PAH: variants seen among roughly 807,000 people sequenced by gnomAD.
PAH encodes phenylalanine-4-hydroxylase.
In PAH, 64 loss-of-function variants were observed where a neutral mutation model predicts 62.0. That is an observed-to-expected ratio of 1.03 (90% CI 0.84 to 1.27). PAH has a LOEUF of 1.27. PAH is among the 50% of genes most tolerant of loss of function. PAH has a pLI of 0.00. For synonymous variants in PAH, 195 were observed against 196.2 expected (o/e 0.99, Z 0.05); for missense variants, 579 against 542.8 (o/e 1.07, Z -0.66).
chr12:102,867,236 G>T (rs541761164), intron 4 of PAH, among the ~76,000 whole-genome samples: 1 of 152,314 alleles, frequency 6.6e-6, no homozygotes, highest in South Asian at 2.1e-4. Flanking sequence ...TGGTGGTTCA[G>T]AGAAGTGGAT....
intron 4 of PAH, among the ~76,000 whole-genome samples, chr12:102,867,883 G>C (rs983902795): frequency 7.2e-6 from 1 of 138,864 alleles, no homozygotes; most frequent in Non-Finnish European, 1.5e-5. Flanking sequence ...ATATATACAT[G>C]TATATACATA....
Position 102,852,705 on chromosome 12 carries a change from G to A in PAH, c.842+110C>T, listed in dbSNP as rs186797730. On this transcript the variant is annotated intron_variant, in intron 7 of 12. Transcript: ENST00000553106. ...TTTAGTACTACCAGCAAACAGTCTA[G>A]ACAACTAGTCCTGTGGACCAGCCAG... The A allele has an allele frequency of 3.2e-4, 426 of 1,352,230 alleles. 1 individual carries two copies. The highest frequency in any genetic ancestry group is 2.7e-4 in the South Asian group (23 of 85,006). The allele number at this position is 1,352,230 out of a possible 1,614,324, so 83.8% of individuals were successfully genotyped here.
intron 5 of PAH, among the ~76,000 whole-genome samples, chr12:102,864,715 T>C (rs1276376445): frequency 6.6e-6 from 1 of 150,722 alleles, no homozygotes; most frequent in East Asian, 1.9e-4. Flanking sequence ...TGTGCTAGTC[T>C]GGGAATGACT....
intron 1 of PAH, among the ~76,000 whole-genome samples, chr12:102,948,020 C>T (rs978937742): frequency 2.6e-5 from 4 of 152,188 alleles, no homozygotes; most frequent in East Asian, 3.9e-4. Flanking sequence ...CTCAGCCCCC[C>T]TCATCCAGAA....
At chr12:102,850,009 A>T (rs2136643203) in intron 8 of PAH, among the ~76,000 whole-genome samples, 1 of 152,322 alleles carries the variant, frequency 6.6e-6, no homozygotes, top group Middle Eastern at 3.4e-3. Context: ...CCAAAGTGGA[A>T]ATGGCTTAAG....
In PAH at chr12:102,838,434, C is replaced by G. The variant is rs1297005564; in HGVS notation, c.*741G>C. On this transcript the variant is annotated 3_prime_UTR_variant, in exon 13 of 13. Transcript: ENST00000553106. ...TATTCAGTGAACATTTCCTGAATAT[C>G]TACCAACCAAGCCTTTAGTCAACAT... 1 of 152,174 alleles carries G rather than the reference C, an allele frequency of 6.6e-6. No individual in the cohort carries two copies. The highest frequency in any genetic ancestry group is 1.9e-4 in the East Asian group (1 of 5,198). 9.4% of individuals were successfully genotyped at this position (152,174 alleles called of 1,614,324 possible).
At chr12:102,898,032 C>A (rs1877584492) in intron 2 of PAH, among the ~76,000 whole-genome samples, 1 of 152,182 alleles carries the variant, frequency 6.6e-6, no homozygotes, top group Admixed American at 6.5e-5. Flanking sequence ...CAACACTTGG[C>A]AAAGTCTACT....
chr12:102,872,975 C>A (rs1055200825), intron 4 of PAH, among the ~76,000 whole-genome samples: 8 of 152,068 alleles, frequency 5.3e-5, no homozygotes, highest in South Asian at 2.1e-4. Context: ...TTAAAAAAAA[C>A]CATGTAGTTT....
intron 2 of PAH, among the ~76,000 whole-genome samples, chr12:102,902,675 G>A (rs752495589): frequency 3.3e-5 from 5 of 152,174 alleles, no homozygotes; most frequent in Non-Finnish European, 7.3e-5. Flanking sequence ...AAGAAAGTAT[G>A]AGCAGCACAA....
intron 2 of PAH, among the ~76,000 whole-genome samples, chr12:102,910,068 T>C (rs1878142431): frequency 6.6e-6 from 1 of 152,234 alleles, no homozygotes; most frequent in Non-Finnish European, 1.5e-5. Flanking sequence ...AATTTCATTC[T>C]TAATTGAACA....
At position 102,958,352 on chromosome 12, in the gene PAH, AGCC is replaced by A. The variant is rs1376433604; in HGVS notation, c.-256_-254del. 1.2e-5 allele frequency: 17 copies of A among 1,430,700 alleles called. No individual in the cohort carries two copies. In the East Asian group the frequency reaches 4.2e-4, roughly 35 times the overall value. 88.6% of individuals were successfully genotyped at this position (1,430,700 alleles called of 1,614,324 possible). Reference sequence around the variant, plus strand: ...CAGCCTGTTTCTTTGCCACGGCCGCAGCCGCGGCGGCCGCAGCCGCCGCAGCGG... The same window carrying A: ...CAGCCTGTTTCTTTGCCACGGCCGCAGCGGCGGCCGCAGCCGCCGCAGCGG... On this transcript the variant is annotated 5_prime_UTR_variant, in exon 1 of 5. Transcript: ENST00000551337.
chr12:102,906,356 G>T (rs934228491), intron 2 of PAH, among the ~76,000 whole-genome samples: 5 of 151,930 alleles, frequency 3.3e-5, no homozygotes, highest in African/African-American at 1.2e-4. Context: ...CCACTTCTAG[G>T]TATCTACCCT....
At position 102,872,510 on chromosome 12, in the gene PAH, G is replaced by C. The variant is rs181168466; in HGVS notation, c.441+4952C>G. Reference sequence around the variant, plus strand: ...GACTCAACTAGCTGACTGACTCTTAGAAGGAACTCTGACAGGGCCTCAGGT... The same window carrying C: ...GACTCAACTAGCTGACTGACTCTTACAAGGAACTCTGACAGGGCCTCAGGT... On this transcript the variant is annotated intron_variant, in intron 4 of 12. Coordinates refer to ENST00000553106, the MANE Select transcript of PAH (RefSeq NM_000277.3). Among the ~76,000 whole-genome samples, 427 of 152,316 alleles carry C rather than the reference G, an allele frequency of 2.8e-3. 4 individuals are homozygous for C. The South Asian group carries it at 0.045, about 16-fold the overall frequency.
chr12:102,906,425 T>G (rs1405017917), intron 2 of PAH, among the ~76,000 whole-genome samples: 1 of 152,162 alleles, frequency 6.6e-6, no homozygotes, highest in Non-Finnish European at 1.5e-5. Flanking sequence ...CAGAATTGTC[T>G]GTGACTATAG....
intron 1 of PAH, among the ~76,000 whole-genome samples, chr12:102,936,411 G>T (rs1592999830): frequency 6.6e-6 from 1 of 152,234 alleles, no homozygotes. Context: ...GGTCTATAGT[G>T]CAGATTACAT....
upstream of PAH, chr12:102,958,415 G>GCAGCAGCAGCAGCAGCAT: frequency 6.5e-7 from 1 of 1,539,954 alleles, no homozygotes; most frequent in Non-Finnish European, 8.8e-7. Context: ...AGCAGCAGCA[G>GCAGCAGCAGCAGCAGCAT]CAGCAGCAGC....
At chr12:102,899,837 C>G (rs541417287) in intron 2 of PAH, among the ~76,000 whole-genome samples, 1 of 83,052 alleles carries the variant, frequency 1.2e-5, no homozygotes, top group Non-Finnish European at 2.1e-5. Flanking sequence ...CCAGCCTGGG[C>G]GACAGAGCGA....
At chr12:102,919,377 T>C (rs995908693), upstream of PAH, among the ~76,000 whole-genome samples, 16 of 152,226 alleles carry the variant, frequency 1.1e-4, no homozygotes, top group African/African-American at 3.6e-4. Context: ...AGGCATGCAA[T>C]GTGTAATAAT....
chr12:102,942,903 A>G (rs1204462940), intron 1 of PAH, among the ~76,000 whole-genome samples: 1 of 152,172 alleles, frequency 6.6e-6, no homozygotes, highest in African/African-American at 2.4e-5. Flanking sequence ...TTCACCATAT[A>G]CAAAAGTCAA....
Sources: gnomAD v4.1 joint callset for allele counts (sites outside exome capture counted in the v4.1 genomes callset) on GRCh38, gnomAD v4.1.1 for gene constraint, MANE v1.5 for transcripts, NCBI Gene and HGNC (gene_info 2026-07-23, HGNC 2026-07-21) for gene names.